The following DLGAP1 variants were observed in gnomAD, a reference collection of about 807,000 sequenced individuals.
DLGAP1 encodes the protein DLG associated protein 1, also known as disks large-associated protein 1.
In DLGAP1, 11 loss-of-function variants were observed where a neutral mutation model predicts 90.8. That is an observed-to-expected ratio of 0.12 (90% confidence interval 0.08 to 0.20). The LOEUF (loss-of-function observed/expected upper bound fraction) is 0.20. Ranked by LOEUF, DLGAP1 falls within the 10% of genes least tolerant of loss-of-function variation. The pLI is 1.00. For missense variants in DLGAP1, 1,050 were observed against 1,333.8 expected (o/e 0.79, Z 3.31); for synonymous variants, 558 against 540.7 (o/e 1.03, Z -0.44).
chr18:3,629,085 GAATTCCT>G (rs2058421530), intron 7 of DLGAP1, among the ~76,000 whole-genome samples: 1 of 152,152 alleles, frequency 6.6e-6, no homozygotes, highest in African/African-American at 2.4e-5. Flanking sequence ...CAGTGCATGA[GAATTCCT>G]ATTGCTGCTG....
chr18:3,790,273 C>CTT lies in DLGAP1; in HGVS notation c.1172+23784_1172+23785dup, dbSNP rs11449067. Reference sequence around the variant, plus strand: ...TCTTTGCTTCTTTTACTTTTTTTTTCTTTTTTTTTTTTGAGACAGGATCTT... The same window carrying CTT: ...TCTTTGCTTCTTTTACTTTTTTTTTCTTTTTTTTTTTTTTGAGACAGGATCTT... On this transcript the variant is annotated intron_variant, in intron 5 of 12. Transcript: ENST00000315677. Among the ~76,000 whole-genome samples the CTT allele has an allele frequency of 3.3e-4, 47 of 144,212 alleles. No individual in the cohort carries two copies. The Middle Eastern group carries it at 0.011, about 33-fold the overall frequency. 94.6% of individuals were successfully genotyped at this position (144,212 alleles called of 152,430 possible).
intron 2 of DLGAP1, among the ~76,000 whole-genome samples, chr18:4,148,361 TA>T (rs1262464007): frequency 6.6e-6 from 1 of 152,144 alleles, no homozygotes; most frequent in Non-Finnish European, 1.5e-5. Flanking sequence ...AATGTCTGCT[TA>T]AGAAATTTAG....
intron 2 of DLGAP1, among the ~76,000 whole-genome samples, chr18:4,124,966 A>T: frequency 6.6e-6 from 1 of 152,194 alleles, no homozygotes; most frequent in East Asian, 1.9e-4. Context: ...CAGGGCCTCG[A>T]GCATGGCAAG....
At chr18:3,666,396 GTTC>G (rs2059884755) in intron 7 of DLGAP1, among the ~76,000 whole-genome samples, 1 of 152,120 alleles carries the variant, frequency 6.6e-6, no homozygotes, top group African/African-American at 2.4e-5. Flanking sequence ...TCCTGCCAAT[GTTC>G]TTAGTCAAAG....
chr18:3,529,797 C>T (rs1392005408), intron 10 of DLGAP1, among the ~76,000 whole-genome samples: 1 of 152,168 alleles, frequency 6.6e-6, no homozygotes, highest in East Asian at 1.9e-4. Flanking sequence ...GATGGTTGGG[C>T]AGTTCCCTCA....
intron 7 of DLGAP1, chr18:3,656,016 T>C: frequency 6.9e-7 from 1 of 1,447,016 alleles, no homozygotes; most frequent in Non-Finnish European, 9.3e-7. Flanking sequence ...CAGAAGCTTT[T>C]TAGCTACAAG....
intron 2 of DLGAP1, among the ~76,000 whole-genome samples, chr18:4,052,369 G>A (rs1000601492): frequency 1.3e-5 from 2 of 152,004 alleles, no homozygotes; most frequent in Admixed American, 6.5e-5. Context: ...TGTCTTCTGC[G>A]CACCCACAGG....
chr18:3,845,282 T>C, intron 4 of DLGAP1: 1 of 1,612,830 alleles, frequency 6.2e-7, no homozygotes, highest in Non-Finnish European at 8.5e-7. Context: ...ATTAAGTTCA[T>C]TATTCATCTC....
At chr18:3,502,727 T>C (rs1295023562) in intron 11 of DLGAP1, 82 bp from the exon 12 acceptor site, 2 of 1,477,860 alleles carry the variant, frequency 1.4e-6, no homozygotes, top group African/African-American at 2.8e-5. Flanking sequence ...TTCAAATATT[T>C]CAAACAACAT....
intron 1 of DLGAP1, among the ~76,000 whole-genome samples, chr18:4,363,979 C>T (rs889345204): frequency 6.6e-6 from 1 of 151,790 alleles, no homozygotes; most frequent in African/African-American, 2.4e-5. Context: ...CGGCACTATT[C>T]ACAATAGCAA....
intron 4 of DLGAP1, among the ~76,000 whole-genome samples, chr18:3,833,029 C>T (rs528240423): frequency 2.0e-4 from 31 of 152,216 alleles, no homozygotes; most frequent in African/African-American, 6.5e-4. Context: ...GCTCAAATAG[C>T]TTTCTAAAGG....
intron 3 of DLGAP1, among the ~76,000 whole-genome samples, chr18:3,964,064 G>A (rs1285728318): frequency 6.6e-6 from 1 of 152,108 alleles, no homozygotes; most frequent in Non-Finnish European, 1.5e-5. Context: ...TACACTGCAG[G>A]AGGCGTCATT....
chr18:3,674,707 A>G (rs901825823), intron 7 of DLGAP1, among the ~76,000 whole-genome samples: 1 of 151,750 alleles, frequency 6.6e-6, no homozygotes, highest in Non-Finnish European at 1.5e-5. Context: ...CACCCCTACT[A>G]TCACCACCCC....
intron 3 of DLGAP1, among the ~76,000 whole-genome samples, chr18:3,944,241 T>C (rs953940836): frequency 6.6e-6 from 1 of 152,236 alleles, no homozygotes; most frequent in Admixed American, 6.5e-5. Context: ...CTCACGCCTA[T>C]AATCCCAGCA....
chr18:3,512,114 TG>T (rs2050581178), intron 10 of DLGAP1, among the ~76,000 whole-genome samples: 1 of 152,256 alleles, frequency 6.6e-6, no homozygotes, highest in Non-Finnish European at 1.5e-5. Flanking sequence ...TAACAGTTTT[TG>T]CCACCCATCT....
chr18:3,540,911 C>T (rs565519336), intron 9 of DLGAP1, among the ~76,000 whole-genome samples: 1 of 152,126 alleles, frequency 6.6e-6, no homozygotes, highest in East Asian at 1.9e-4. Context: ...CTGAGAGGGC[C>T]CAGCATGCTG....
At chr18:4,424,209 A>G (rs2083103155) in intron 1 of DLGAP1, among the ~76,000 whole-genome samples, 1 of 152,162 alleles carries the variant, frequency 6.6e-6, no homozygotes, top group South Asian at 2.1e-4. Context: ...ATGAAGTCAT[A>G]TGAATTTACT....
chr18:4,180,853 G>A (rs1169206325), intron 1 of DLGAP1, among the ~76,000 whole-genome samples: 1 of 152,114 alleles, frequency 6.6e-6, no homozygotes, highest in Non-Finnish European at 1.5e-5. Context: ...GAAGTCAAAT[G>A]TTCAGAGCTC....
At chr18:4,335,572 T>C (rs926357553) in intron 1 of DLGAP1, among the ~76,000 whole-genome samples, 8 of 149,614 alleles carry the variant, frequency 5.3e-5, no homozygotes, top group Non-Finnish European at 1.2e-4. Flanking sequence ...TGGTTTCACC[T>C]GGCTCTGGAA....
Sources: gnomAD v4.1 joint callset for allele counts (sites outside exome capture counted in the v4.1 genomes callset) on GRCh38, gnomAD v4.1.1 for gene constraint, MANE v1.5 for transcripts, NCBI Gene and HGNC (gene_info 2026-07-23, HGNC 2026-07-21) for gene names.